Variants in CCDC181 observed in about 807,000 individuals in gnomAD.
CCDC181 encodes coiled-coil domain-containing protein 181.
CCDC181 carries 35 observed loss-of-function variants against 58.7 expected under a neutral mutation model. The observed-to-expected ratio is 0.60, with a 90% CI of 0.46 to 0.79. CCDC181 has a LOEUF of 0.79. Ranked by LOEUF, CCDC181 falls within the 30% of genes least tolerant of loss-of-function variation. The probability of loss-of-function intolerance (pLI) is 0.00; values close to 1 mark genes in which losing one functional copy is unlikely to be tolerated. For missense variants in CCDC181, 517 were observed against 583.9 expected (o/e 0.89, Z 1.18); for synonymous variants, 183 against 197.5 (o/e 0.93, Z 0.62).
At chr1:169,458,175 G>GTTTTTTTTTT (rs369111049) in intron 2 of CCDC181, among the ~76,000 whole-genome samples, 1 of 126,894 alleles carries the variant, frequency 7.9e-6, no homozygotes, top group Non-Finnish European at 1.6e-5. Flanking sequence ...AGTAATTTTT[G>GTTTTTTTTTT]TTTTTTTTTT....
At chr1:169,445,385 C>CT (rs11450761) in intron 2 of CCDC181, among the ~76,000 whole-genome samples, 101,680 of 151,976 alleles carry the variant, frequency 0.67, 34,251 homozygotes, top group East Asian at 0.93. Context: ...TTTTCTACAT[C>CT]ATTAAAATGA....
At chr1:169,439,450 C>T (rs938462778) in intron 2 of CCDC181, among the ~76,000 whole-genome samples, 12 of 152,322 alleles carry the variant, frequency 7.9e-5, no homozygotes, top group Middle Eastern at 3.4e-3. Flanking sequence ...CCCCCTCCCT[C>T]GTGGAACTTG....
chr1:169,406,799 A>G (rs924764446), intron 4 of CCDC181, among the ~76,000 whole-genome samples: 10 of 146,794 alleles, frequency 6.8e-5, no homozygotes, highest in African/African-American at 2.1e-4. Flanking sequence ...AAAAGAAAAG[A>G]AAAAAAACCC....
chr1:169,401,709 T>C (rs7554689), intron 4 of CCDC181, among the ~76,000 whole-genome samples: 101,689 of 152,036 alleles, frequency 0.67, 34,230 homozygotes, highest in East Asian at 0.93. Context: ...GAAACCAGAG[T>C]AGAAAAGCTG....
chr1:169,439,582 C>T (rs1657153630), intron 2 of CCDC181, among the ~76,000 whole-genome samples: 2 of 152,108 alleles, frequency 1.3e-5, no homozygotes, highest in African/African-American at 4.8e-5. Flanking sequence ...CTCACAGTAG[C>T]ATCTCGGGGT....
chr1:169,404,196 G>A (rs564176111), intron 4 of CCDC181, among the ~76,000 whole-genome samples: 19 of 152,220 alleles, frequency 1.2e-4, no homozygotes, highest in Non-Finnish European at 2.4e-4. Flanking sequence ...AAAAAGTCCA[G>A]GACCAGACAG....
At chr1:169,447,841 G>A (rs1169293991) in intron 2 of CCDC181, among the ~76,000 whole-genome samples, 2 of 152,022 alleles carry the variant, frequency 1.3e-5, no homozygotes, top group Non-Finnish European at 2.9e-5. Flanking sequence ...TTAAGTGTTA[G>A]CATAGTATAT....
rs35345802 is a variant in CCDC181 at position 169,410,210 on chromosome 1, CAA to C, written c.1215+8801_1215+8802del. On this transcript the variant is annotated intron_variant, in intron 4 of 5. Coordinates refer to ENST00000367806, the MANE Select transcript of CCDC181 (RefSeq NM_001300969.2). The stretch of plus-strand genomic sequence containing the variant: ...GAACATTTACCAAGCAAATGGAAAG[CAA>C]AAAAAAAAAAAAAAGCAGGGGTTGC... Among the ~76,000 whole-genome samples, 315 of 85,412 alleles carry C rather than the reference CAA, an allele frequency of 3.7e-3. 3 individuals carry two copies. In the South Asian group the frequency reaches 0.053, roughly 14 times the overall value. The allele number at this position is 85,412 out of a possible 152,430, so 56.0% of individuals were successfully genotyped here. A position where few individuals can be genotyped will look rare whatever the true frequency, so the allele number is the denominator to read the frequency against.
chr1:169,424,442 A>C (rs1272186941), intron 2 of CCDC181, among the ~76,000 whole-genome samples: 1 of 151,946 alleles, frequency 6.6e-6, no homozygotes, highest in African/African-American at 2.4e-5. Flanking sequence ...TTTTAATAGC[A>C]TAACCCCATG....
At position 169,418,860 on chromosome 1, in the gene CCDC181, G is replaced by T. The variant is rs560641574; in HGVS notation, c.1215+153C>A. The stretch of plus-strand genomic sequence containing the variant: ...CAAGACCTCTTAGAACCTAATTGTA[G>T]TTATCTGCATGTTGCATCTTTTGCA... On this transcript the variant is annotated intron_variant, in intron 4 of 5. Coordinates refer to ENST00000367806, the MANE Select transcript of CCDC181 (RefSeq NM_001300969.2). 1,649 of 592,898 alleles carry T rather than the reference G, an allele frequency of 2.8e-3. 37 individuals carry two copies. In the South Asian group the frequency reaches 0.036, roughly 13 times the overall value. 36.7% of individuals were successfully genotyped at this position (592,898 alleles called of 1,614,324 possible).
At position 169,444,610 on chromosome 1, in the gene CCDC181, T is replaced by A. The variant is rs529866056; in HGVS notation, c.-24+15187A>T. ...ACTACACTTCAAAAACCACATGCTT[T>A]TAAAAATTGGGATTTTTTTAAATTT... is the stretch of plus-strand genomic sequence containing the variant. On this transcript the variant is annotated intron_variant, in intron 2 of 6. Transcript: ENST00000545005. Among the ~76,000 whole-genome samples, 16 of 152,316 alleles carry A rather than the reference T, an allele frequency of 1.1e-4. No homozygotes were observed. In the South Asian group the frequency reaches 3.3e-3, roughly 32 times the overall value.
At chr1:169,401,862 AAAG>A (rs1419266382) in intron 4 of CCDC181, among the ~76,000 whole-genome samples, 3 of 152,234 alleles carry the variant, frequency 2.0e-5, no homozygotes, top group African/African-American at 7.2e-5. Flanking sequence ...TCTCCGAGCT[AAAG>A]AAGGATGTTT....
In CCDC181 at chr1:169,419,166, AAAG is replaced by A; in HGVS notation, c.1069-10_1069-8del. Reference sequence around the variant, plus strand: ...CTATTTTTCGTCGCTCTTCCTAGTAAAAGAATATGAAAAGACATTAATGGAAGA... The same window carrying A: ...CTATTTTTCGTCGCTCTTCCTAGTAAAATATGAAAAGACATTAATGGAAGA... On this transcript the variant is annotated splice_region_variant and splice_polypyrimidine_tract_variant and intron_variant, in intron 3 of 5. Transcript: ENST00000367806. 2 of 1,568,488 alleles carry A rather than the reference AAAG, an allele frequency of 1.3e-6. No individual in the cohort carries two copies. The highest frequency in any genetic ancestry group is 1.7e-6 in the Non-Finnish European group (2 of 1,154,280).
intron 2 of CCDC181, among the ~76,000 whole-genome samples, chr1:169,438,411 G>T (rs1220891415): frequency 6.6e-6 from 1 of 151,986 alleles, no homozygotes; most frequent in Non-Finnish European, 1.5e-5. Context: ...GACCCTGCTT[G>T]CTGTGCCATA....
At chr1:169,445,652 A>G (rs994885719) in intron 2 of CCDC181, among the ~76,000 whole-genome samples, 5 of 152,160 alleles carry the variant, frequency 3.3e-5, no homozygotes, top group African/African-American at 1.2e-4. Flanking sequence ...TTATAGAATG[A>G]GTCAGGAAGT....
At chr1:169,402,511 T>C (rs375677185) in intron 4 of CCDC181, among the ~76,000 whole-genome samples, 1 of 152,094 alleles carries the variant, frequency 6.6e-6, no homozygotes, top group East Asian at 1.9e-4. Flanking sequence ...TCAACATTCT[T>C]AAAGAAAAGA....
intron 2 of CCDC181, chr1:169,452,832 T>A (rs1406632025): frequency 6.6e-6 from 1 of 152,070 alleles, no homozygotes; most frequent in East Asian, 1.9e-4. Flanking sequence ...TTTTCAAGTA[T>A]AACAAAAATA....
At chr1:169,417,475 C>G (rs1656265748) in intron 4 of CCDC181, among the ~76,000 whole-genome samples, 1 of 152,142 alleles carries the variant, frequency 6.6e-6, no homozygotes, top group Non-Finnish European at 1.5e-5. Context: ...GGGTGTGAAG[C>G]TTCCATGCCC....
chr1:169,422,506 G>A (rs1656527274), intron 2 of CCDC181, among the ~76,000 whole-genome samples, 193 bp from the exon 3 acceptor site: 1 of 151,988 alleles, frequency 6.6e-6, no homozygotes, highest in Admixed American at 6.5e-5. Flanking sequence ...CAGCAATGCA[G>A]GAAAAATTCA....
Sources: gnomAD v4.1 joint callset for allele counts (sites outside exome capture counted in the v4.1 genomes callset) on GRCh38, gnomAD v4.1.1 for gene constraint, MANE v1.5 for transcripts, NCBI Gene and HGNC (gene_info 2026-07-23, HGNC 2026-07-21) for gene names.